Variants in SDK1 observed in about 807,000 individuals in gnomAD.
SDK1 encodes the protein protein sidekick-1.
Under a neutral mutation model 245.5 loss-of-function variants are expected in SDK1, and 157 were observed. That is an observed-to-expected ratio of 0.64 (90% CI 0.56 to 0.73). The LOEUF (loss-of-function observed/expected upper bound fraction) is 0.73, where lower values mean the gene tolerates loss of function less well. Ranked by LOEUF, SDK1 falls within the 30% of genes least tolerant of loss-of-function variation. SDK1 has a pLI of 0.00. For missense variants in SDK1, 3,583 were observed against 3,002.3 expected, an observed-to-expected ratio of 1.19 and a Z score of -4.52; for synonymous variants, 1,647 against 1,278.5, an observed-to-expected ratio of 1.29 and a Z score of -6.15.
At position 3,577,116 on chromosome 7, in the gene SDK1, C is replaced by T. The variant is rs185860023; in HGVS notation, c.299-41964C>T. Among the ~76,000 whole-genome samples the T allele has an allele frequency of 3.6e-4, 55 of 152,080 alleles. No individual in the cohort carries two copies. In the South Asian group the frequency reaches 8.7e-3, roughly 24 times the overall value. On this transcript the variant is annotated intron_variant, in intron 1 of 44. Transcript: ENST00000404826. Reference sequence around the variant, plus strand: ...GGAGCCTGGCCATACTGGAAGATTTCGCCTGCCTCTGGGCCCCATTCTAAA... The same window carrying T: ...GGAGCCTGGCCATACTGGAAGATTTTGCCTGCCTCTGGGCCCCATTCTAAA...
chr7:3,533,574 A>C (rs17133523), intron 1 of SDK1, among the ~76,000 whole-genome samples: 1 of 152,054 alleles, frequency 6.6e-6, no homozygotes, highest in South Asian at 2.1e-4. Context: ...TGTAATGAAA[A>C]ATGGCAGTAC....
At position 3,542,877 on chromosome 7, in the gene SDK1, C is replaced by G. The variant is rs534856661; in HGVS notation, c.299-76203C>G. Among the ~76,000 whole-genome samples, 25 of 152,264 alleles carry G rather than the reference C, an allele frequency of 1.6e-4. 2 individuals are homozygous for G. In the South Asian group the frequency reaches 5.2e-3, roughly 32 times the overall value. On this transcript the variant is annotated intron_variant, in intron 1 of 44. Transcript: ENST00000404826. ...AGAAGGAAAATAAAAATTGATTTAC[C>G]TTCGCTTTAGAAGCTTCCCAAAAGG...
chr7:3,492,620 C>T (rs576047979), intron 1 of SDK1, among the ~76,000 whole-genome samples: 78 of 152,338 alleles, frequency 5.1e-4, no homozygotes, highest in Admixed American at 1.2e-3. Context: ...TGTTCCTCAG[C>T]GTAGCCAACT....
At chr7:3,792,916 G>A (rs1778850288) in intron 4 of SDK1, among the ~76,000 whole-genome samples, 1 of 152,200 alleles carries the variant, frequency 6.6e-6, no homozygotes. Flanking sequence ...AAAGCTTAAT[G>A]AGTGCATTCA....
chr7:3,785,501 C>G (rs1024608157), intron 4 of SDK1, among the ~76,000 whole-genome samples: 2 of 152,024 alleles, frequency 1.3e-5, no homozygotes, highest in Non-Finnish European at 2.9e-5. Context: ...AAAGTATTTT[C>G]AAAGATTTTA....
At chr7:3,716,043 A>C (rs1223994504) in intron 4 of SDK1, among the ~76,000 whole-genome samples, 1 of 152,098 alleles carries the variant, frequency 6.6e-6, no homozygotes, top group Non-Finnish European at 1.5e-5. Flanking sequence ...GGAGAAGACA[A>C]AGATAGATCG....
At chr7:3,531,586 C>G (rs528538011) in intron 1 of SDK1, among the ~76,000 whole-genome samples, 2 of 152,082 alleles carry the variant, frequency 1.3e-5, no homozygotes, top group Non-Finnish European at 2.9e-5. Context: ...AAGTATGTCT[C>G]AGATAGTCAA....
chr7:3,487,478 A>C (rs1453961783), intron 1 of SDK1, among the ~76,000 whole-genome samples: 1 of 152,138 alleles, frequency 6.6e-6, no homozygotes, highest in Non-Finnish European at 1.5e-5. Context: ...ATGGTGGCTC[A>C]TTCTGGTAAT....
chr7:3,480,003 G>A (rs1181136548), intron 1 of SDK1, among the ~76,000 whole-genome samples: 3 of 151,916 alleles, frequency 2.0e-5, no homozygotes, highest in East Asian at 1.9e-4. Context: ...ACCTGTCCAC[G>A]CCCAAAGTAA....
intron 22 of SDK1, among the ~76,000 whole-genome samples, chr7:4,106,758 C>G (rs1782948586): frequency 6.6e-6 from 1 of 152,116 alleles, no homozygotes; most frequent in East Asian, 1.9e-4. Context: ...TCCCGGGCAG[C>G]CTCCCGGGCC....
chr7:3,602,643 GT>G (rs1781289144), intron 1 of SDK1, among the ~76,000 whole-genome samples: 7 of 151,550 alleles, frequency 4.6e-5, no homozygotes, highest in African/African-American at 1.7e-4. Context: ...TCACTCTGAT[GT>G]TAGTTTCTTT....
At chr7:3,598,470 A>G (rs532705359) in intron 1 of SDK1, among the ~76,000 whole-genome samples, 1 of 152,298 alleles carries the variant, frequency 6.6e-6, no homozygotes, top group South Asian at 2.1e-4. Context: ...CCGTGTACCC[A>G]TGTAGACTCT....
At chr7:3,884,481 C>G (rs949704429) in intron 5 of SDK1, among the ~76,000 whole-genome samples, 1 of 152,236 alleles carries the variant, frequency 6.6e-6, no homozygotes, top group Non-Finnish European at 1.5e-5. Context: ...CTCACAACTA[C>G]TTTACTCAGT....
At chr7:3,891,839 T>G (rs1334870391) in intron 5 of SDK1, among the ~76,000 whole-genome samples, 1 of 152,250 alleles carries the variant, frequency 6.6e-6, no homozygotes, top group East Asian at 1.9e-4. Flanking sequence ...TTTAAAATCC[T>G]GAAAATGTTG....
chr7:4,136,734 C>T (rs184388537), intron 28 of SDK1, among the ~76,000 whole-genome samples: 2 of 152,380 alleles, frequency 1.3e-5, no homozygotes, highest in African/African-American at 4.8e-5. Context: ...CTGCCCTGGC[C>T]AGACACGCGG....
At chr7:3,625,374 G>C (rs1392004511) in intron 2 of SDK1, among the ~76,000 whole-genome samples, 3 of 152,152 alleles carry the variant, frequency 2.0e-5, no homozygotes, top group Non-Finnish European at 4.4e-5. Flanking sequence ...GCAACAAACT[G>C]GGACAATATT....
intron 4 of SDK1, among the ~76,000 whole-genome samples, chr7:3,744,938 TC>T (rs958789254): frequency 6.6e-6 from 1 of 152,186 alleles, no homozygotes; most frequent in African/African-American, 2.4e-5. Context: ...CTTTTCTTTT[TC>T]CCTCACGAAG....
chr7:3,434,211 A>G (rs1342856387), intron 1 of SDK1, among the ~76,000 whole-genome samples: 4 of 152,216 alleles, frequency 2.6e-5, no homozygotes, highest in Non-Finnish European at 4.4e-5. Flanking sequence ...TACCAGGCCA[A>G]AGAGTCAGCG....
At chr7:4,232,693 G>A (rs1785873264) in intron 40 of SDK1, among the ~76,000 whole-genome samples, 1 of 151,658 alleles carries the variant, frequency 6.6e-6, no homozygotes, top group African/African-American at 2.4e-5. Context: ...CCAGCTCTGG[G>A]CTCAAGCAGT....
Sources: gnomAD v4.1 joint callset for allele counts (sites outside exome capture counted in the v4.1 genomes callset) on GRCh38, gnomAD v4.1.1 for gene constraint, MANE v1.5 for transcripts, NCBI Gene and HGNC (gene_info 2026-07-23, HGNC 2026-07-21) for gene names.